CLPB: variants seen among roughly 807,000 people sequenced by gnomAD.
CLPB encodes ClpB family mitochondrial disaggregase.
In CLPB, 40 loss-of-function variants were observed where a neutral mutation model predicts 78.4. The ratio of observed to expected loss-of-function variants is 0.51; its 90% confidence interval spans 0.40 to 0.66. The LOEUF (loss-of-function observed/expected upper bound fraction) is 0.66. Among genes scored for constraint, CLPB ranks in the 30% least tolerant of loss-of-function variants. CLPB has a pLI of 0.00. For synonymous variants in CLPB, 333 were observed against 348.0 expected (o/e 0.96, Z 0.48); for missense variants, 780 against 886.9 (o/e 0.88, Z 1.53).
At chr11:72,427,306 G>C (rs905114157) in intron 2 of CLPB, among the ~76,000 whole-genome samples, 4 of 152,204 alleles carry the variant, frequency 2.6e-5, no homozygotes, top group Non-Finnish European at 5.9e-5. Context: ...CAGAGCCCCA[G>C]AGAGGTCAAG....
Position 72,359,747 on chromosome 11 carries a change from T to A in CLPB, c.647-739A>T, listed in dbSNP as rs1284847154. ...TATCCCCTATAAAATTGGAATTTAC[T>A]GTAAATGCAATTTTGTAATCTGCAT... On this transcript the variant is annotated intron_variant, in intron 4 of 15. Transcript: ENST00000538039. Among the ~76,000 whole-genome samples the A allele has an allele frequency of 4.6e-5, 7 of 152,248 alleles. No individual in the cohort carries two copies. The South Asian group carries it at 1.2e-3, about 27-fold the overall frequency.
At chr11:72,389,069 C>T (rs1308263013) in intron 3 of CLPB, among the ~76,000 whole-genome samples, 1 of 152,170 alleles carries the variant, frequency 6.6e-6, no homozygotes, top group Admixed American at 6.5e-5. Flanking sequence ...AGTGAGTAGC[C>T]AGAAACCAAG....
chr11:72,294,721 T>C (rs1022744854), intron 12 of CLPB, 28 bp from the exon 13 acceptor site: 2 of 1,588,526 alleles, frequency 1.3e-6, no homozygotes, highest in Non-Finnish European at 1.7e-6. Context: ...AAACTGCTTA[T>C]TCCCCACATT....
At chr11:72,412,525 A>C (rs1855908306) in intron 2 of CLPB, among the ~76,000 whole-genome samples, 1 of 152,194 alleles carries the variant, frequency 6.6e-6, no homozygotes, top group South Asian at 2.1e-4. Flanking sequence ...TTACACACAC[A>C]GATAGGGAGG....
chr11:72,301,389 A>G (rs1195199406), intron 11 of CLPB, among the ~76,000 whole-genome samples: 1 of 152,228 alleles, frequency 6.6e-6, no homozygotes, highest in Non-Finnish European at 1.5e-5. Flanking sequence ...TGTCTGAGGC[A>G]GAAGGATTTT....
At position 72,293,080 on chromosome 11, in the gene CLPB, A is replaced by G. The variant is rs867254103; in HGVS notation, c.*287T>C. 1 of 354,294 alleles carries G rather than the reference A, an allele frequency of 2.8e-6. No individual in the cohort carries two copies. Among genetic ancestry groups the G allele is most frequent in the Middle Eastern group, 8.4e-4 (1 of 1,184 alleles). The allele number at this position is 354,294 out of a possible 1,614,324, so 21.9% of individuals were successfully genotyped here. ...GGGGATGGGGATCATTCTGAAGGAA[A>G]TAAGGGACCTCCATCCCTCCTTGCC... On this transcript the variant is annotated 3_prime_UTR_variant, in exon 16 of 16. Transcript: ENST00000538039.
rs202009794 is a variant in CLPB, at chr11:72,302,307, G to A, written c.1164C>T (p.His388=). The part of the protein sequence containing the change: ...RLDMSEFQER[H]EVAKFIGSPP... ...ATCAAGGACTGTCATCACTCACCTC[G>A]TGTCGCTCCTGGAACTCGGACATGT... Residue 388 remains histidine, a synonymous_variant, in exon 10 of 16, where the codon CAC becomes CAT. Coordinates refer to ENST00000538039, the MANE Select transcript of CLPB (RefSeq NM_001258392.3). The A allele has an allele frequency of 1.3e-4, 214 of 1,614,038 alleles. 2 individuals are homozygous for A. Among genetic ancestry groups the A allele is most frequent in the Admixed American group, 1.0e-3 (61 of 60,018 alleles).
At chr11:72,344,233 G>A (rs986840569) in intron 5 of CLPB, among the ~76,000 whole-genome samples, 2 of 151,966 alleles carry the variant, frequency 1.3e-5, no homozygotes, top group African/African-American at 4.8e-5. Flanking sequence ...TTTTGAGGCA[G>A]GGTCTCACTT....
At chr11:72,329,660 A>G (rs755887578) in intron 6 of CLPB, 47 bp downstream of exon 6, 1 of 1,250,696 alleles carries the variant, frequency 8.0e-7, no homozygotes, top group East Asian at 2.3e-5. Flanking sequence ...GAAGGATTAA[A>G]TGATGCATGG....
chr11:72,296,279 A>T (rs1481092959), intron 11 of CLPB, among the ~76,000 whole-genome samples: 7 of 152,162 alleles, frequency 4.6e-5, no homozygotes, highest in African/African-American at 7.2e-5. Context: ...AAACAGGACA[A>T]CCTCTTTTAT....
chr11:72,413,608 A>T (rs1032219338), intron 2 of CLPB, among the ~76,000 whole-genome samples: 4 of 152,192 alleles, frequency 2.6e-5, no homozygotes, highest in Non-Finnish European at 5.9e-5. Context: ...AATTTCTTCA[A>T]TTATCCCAAT....
intron 4 of CLPB, among the ~76,000 whole-genome samples, chr11:72,361,323 A>G (rs1424814186): frequency 6.6e-6 from 1 of 152,228 alleles, no homozygotes; most frequent in Non-Finnish European, 1.5e-5. Context: ...AGCAGGAAGA[A>G]CAGGAAGTTA....
intron 4 of CLPB, among the ~76,000 whole-genome samples, chr11:72,365,894 T>C (rs1160458515): frequency 3.9e-5 from 6 of 152,168 alleles, no homozygotes; most frequent in African/African-American, 7.2e-5. Flanking sequence ...TCTCACCATA[T>C]ACAAAAATCA....
chr11:72,294,722 T>G (rs367733119), intron 12 of CLPB, 29 bp from the exon 13 acceptor site: 1 of 1,590,716 alleles, frequency 6.3e-7, no homozygotes, highest in African/African-American at 1.3e-5. Context: ...AACTGCTTAT[T>G]CCCCACATTC....
chr11:72,418,172 A>T (rs373322032), intron 2 of CLPB, among the ~76,000 whole-genome samples: 1 of 152,270 alleles, frequency 6.6e-6, no homozygotes, highest in South Asian at 2.1e-4. Context: ...GAGAATAAAC[A>T]AGGTTTCTAT....
intron 1 of CLPB, among the ~76,000 whole-genome samples, chr11:72,433,471 C>T (rs1290095936): frequency 1.3e-5 from 2 of 151,746 alleles, no homozygotes; most frequent in Admixed American, 6.6e-5. Flanking sequence ...ACCCGGGAGG[C>T]GGAGGTTGCA....
At chr11:72,348,125 G>A (rs754900156) in intron 5 of CLPB, among the ~76,000 whole-genome samples, 1 of 152,228 alleles carries the variant, frequency 6.6e-6, no homozygotes, top group East Asian at 1.9e-4. Context: ...CACTAAGTTT[G>A]TGATAACTTG....
At position 72,434,260 on chromosome 11, in the gene CLPB, C is replaced by T; in HGVS notation, c.215G>A (p.Gly72Glu). The T allele has an allele frequency of 6.2e-7, 1 of 1,613,328 alleles. No homozygotes were observed. The highest frequency in any genetic ancestry group is 8.5e-7 in the Non-Finnish European group (1 of 1,179,902). The change falls in exon 1 of 16, where the codon GGG becomes GAG. Residue 72 changes from glycine (G) to glutamate (E), a missense_variant. Gly to Glu is a moderately conservative substitution (Grantham distance 98). Transcript: ENST00000538039. ...LFSGRGAATG[G>E]RQGGRFDTKC... is the part of the protein sequence containing the mutation. ...GGTATCGAAGCGTCCTCCCTGGCGC[C>T]CCCCGGTGGCTGCCCCACGTCCGGA...
At position 72,331,114 on chromosome 11, in the gene CLPB, A is replaced by T. The variant is rs189717123; in HGVS notation, c.776-1310T>A. On this transcript the variant is annotated intron_variant, in intron 5 of 15. Coordinates refer to ENST00000538039, the MANE Select transcript of CLPB (RefSeq NM_001258392.3). ...TAATAAAACTTTTTTAATCAAAAAA[A>T]TTTTTTTTGGCCAGGTGTGGTGGCT... 5.3e-3 allele frequency among the ~76,000 whole-genome samples: 809 copies of T among 151,950 alleles called. 7 individuals carry two copies. Among genetic ancestry groups the T allele is most frequent in the African/African-American group, 0.019 (778 of 41,506 alleles).
Sources: gnomAD v4.1 joint callset for allele counts (sites outside exome capture counted in the v4.1 genomes callset) on GRCh38, gnomAD v4.1.1 for gene constraint, MANE v1.5 for transcripts, NCBI Gene and HGNC (gene_info 2026-07-23, HGNC 2026-07-21) for gene names.